Variants in RFX3 observed in about 807,000 individuals in gnomAD.
RFX3 encodes the protein regulatory factor X3.
In RFX3, 14 loss-of-function variants were observed where a neutral mutation model predicts 98.6. The observed-to-expected ratio is 0.14, with a 90% CI of 0.09 to 0.22. The LOEUF (loss-of-function observed/expected upper bound fraction) is 0.22, where lower values mean the gene tolerates loss of function less well. Among genes scored for constraint, RFX3 ranks in the 10% least tolerant of loss-of-function variants. The probability of loss-of-function intolerance (pLI) is 1.00; values close to 1 mark genes in which losing one functional copy is unlikely to be tolerated. For missense variants in RFX3, 639 were observed against 926.9 expected, an observed-to-expected ratio of 0.69 and a Z score of 4.03; for synonymous variants, 383 against 328.4, an observed-to-expected ratio of 1.17 and a Z score of -1.80.
rs558573296 is a variant in RFX3, at chr9:3,491,426, T to C, written c.-9+34321A>G. Reference sequence around the variant, plus strand: ...TCTGACATGAGGCCTTATATGTTATTAACTAAACGACTACACAATACTTCT... The same window carrying C: ...TCTGACATGAGGCCTTATATGTTATCAACTAAACGACTACACAATACTTCT... On this transcript the variant is annotated intron_variant, in intron 1 of 16. Transcript: ENST00000617270. Among the ~76,000 whole-genome samples, 6 of 152,322 alleles carry C rather than the reference T, an allele frequency of 3.9e-5. No individual in the cohort carries two copies. The South Asian group carries it at 1.0e-3, about 26-fold the overall frequency.
At chr9:3,247,382 T>A (rs1820820130) in intron 15 of RFX3, 2 of 954,828 alleles carry the variant, frequency 2.1e-6, no homozygotes, top group African/African-American at 3.5e-5. Flanking sequence ...CAGACTGTGT[T>A]TGAAAAAAAA....
At chr9:3,336,649 T>C (rs1325987219) in intron 3 of RFX3, among the ~76,000 whole-genome samples, 3 of 152,262 alleles carry the variant, frequency 2.0e-5, no homozygotes, top group African/African-American at 7.2e-5. Flanking sequence ...CTGAAGTATT[T>C]TAGATATAAC....
At chr9:3,329,571 T>G (rs1231822327) in intron 4 of RFX3, among the ~76,000 whole-genome samples, 1 of 152,146 alleles carries the variant, frequency 6.6e-6, no homozygotes, top group East Asian at 1.9e-4. Context: ...CCTATAGTAA[T>G]GCTTTCTAAA....
intron 2 of RFX3, among the ~76,000 whole-genome samples, chr9:3,389,253 T>G (rs1840036814): frequency 6.6e-6 from 1 of 152,084 alleles, no homozygotes; most frequent in Non-Finnish European, 1.5e-5. Context: ...GACGACCTCC[T>G]AGGTTGAGGC....
At chr9:3,518,386 G>T (rs1006717874) in intron 1 of RFX3, among the ~76,000 whole-genome samples, 4 of 152,110 alleles carry the variant, frequency 2.6e-5, no homozygotes, top group Non-Finnish European at 2.9e-5. Context: ...ATATGTTGGG[G>T]CTAATTATCT....
chr9:3,262,814 T>G (rs778724583), intron 13 of RFX3, 121 bp downstream of exon 13: 203 of 1,029,896 alleles, frequency 2.0e-4, no homozygotes, highest in Non-Finnish European at 5.8e-5. Context: ...TTCAGAACAC[T>G]GTGAATATAG....
intron 15 of RFX3, among the ~76,000 whole-genome samples, chr9:3,240,655 T>C (rs958106094): frequency 6.6e-6 from 1 of 152,202 alleles, no homozygotes; most frequent in Non-Finnish European, 1.5e-5. Flanking sequence ...TATGGTAGTA[T>C]ATTTTATACA....
intron 1 of RFX3, among the ~76,000 whole-genome samples, chr9:3,522,273 C>A (rs1818795303): frequency 6.6e-6 from 1 of 152,122 alleles, no homozygotes; most frequent in Admixed American, 6.5e-5. Context: ...CACTATGTAT[C>A]TGTGAATAGA....
At chr9:3,446,573 T>C (rs1008797657) in intron 1 of RFX3, among the ~76,000 whole-genome samples, 1 of 151,892 alleles carries the variant, frequency 6.6e-6, no homozygotes, top group African/African-American at 2.4e-5. Context: ...CCTTGTTTAG[T>C]GCACTCCTTC....
chr9:3,413,338 C>G (rs1021881986), intron 1 of RFX3, among the ~76,000 whole-genome samples: 2 of 152,016 alleles, frequency 1.3e-5, no homozygotes, highest in Non-Finnish European at 2.9e-5. Context: ...ATAAACAATT[C>G]ATAATTTAGG....
intron 1 of RFX3, among the ~76,000 whole-genome samples, chr9:3,409,392 T>C (rs913549927): frequency 1.3e-5 from 2 of 152,346 alleles, no homozygotes; most frequent in East Asian, 1.9e-4. Flanking sequence ...AATGATAAAA[T>C]TGGCATTCAG....
In RFX3 at chr9:3,525,947, AGAGAGAGAGCGAGAGG is replaced by A; in HGVS notation, c.-225_-210del. On this transcript the variant is annotated 5_prime_UTR_variant, in exon 1 of 17. Transcript: ENST00000617270. ...ACAAAAGAGAGAGAGAGAGGGAGAG[AGAGAGAGAGCGAGAGG>A]GAGAGGGAGACACTCGCACGGGGAG... is the stretch of plus-strand genomic sequence containing the variant. 1.2e-6 allele frequency: 1 copy of A among 814,966 alleles called. No homozygotes were observed. Among genetic ancestry groups the A allele is most frequent in the Non-Finnish European group, 1.5e-6 (1 of 683,036 alleles). The allele number at this position is 814,966 out of a possible 1,614,324, so 50.5% of individuals were successfully genotyped here.
chr9:3,479,421 T>G (rs1200192854), intron 1 of RFX3, among the ~76,000 whole-genome samples: 1 of 152,102 alleles, frequency 6.6e-6, no homozygotes, highest in African/African-American at 2.4e-5. Context: ...TTTTTAAAAA[T>G]ATACTTAAAA....
intron 1 of RFX3, among the ~76,000 whole-genome samples, chr9:3,420,573 T>C (rs1472911054): frequency 6.6e-6 from 1 of 152,228 alleles, no homozygotes; most frequent in Non-Finnish European, 1.5e-5. Context: ...AAGGTCATTT[T>C]AAGTAAGCAG....
intron 2 of RFX3, among the ~76,000 whole-genome samples, chr9:3,372,508 C>CAT (rs1332357601): frequency 6.6e-6 from 1 of 151,958 alleles, no homozygotes; most frequent in Non-Finnish European, 1.5e-5. Context: ...ATGCCATCTC[C>CAT]ATGTAGCACC....
intron 3 of RFX3, chr9:3,344,707 G>A: frequency 1.7e-6 from 1 of 603,528 alleles, no homozygotes; most frequent in Non-Finnish European, 3.0e-6. Flanking sequence ...CACAGACAAA[G>A]ATGAAATGAC....
chr9:3,269,274 CT>C (rs1824062839), intron 11 of RFX3, among the ~76,000 whole-genome samples: 1 of 151,870 alleles, frequency 6.6e-6, no homozygotes, highest in Non-Finnish European at 1.5e-5. Flanking sequence ...TATTAAAGAT[CT>C]CATACCTTCT....
At chr9:3,502,824 A>T (rs983281537) in intron 1 of RFX3, among the ~76,000 whole-genome samples, 1 of 152,162 alleles carries the variant, frequency 6.6e-6, no homozygotes, top group Non-Finnish European at 1.5e-5. Context: ...AAAGGTAAAA[A>T]GCAATGGGAA....
chr9:3,304,390 T>C (rs576356856), intron 4 of RFX3, among the ~76,000 whole-genome samples: 1 of 152,002 alleles, frequency 6.6e-6, no homozygotes, highest in Non-Finnish European at 1.5e-5. Context: ...AAGATCATGA[T>C]TACAAAAATT....
Sources: gnomAD v4.1 joint callset for allele counts (sites outside exome capture counted in the v4.1 genomes callset) on GRCh38, gnomAD v4.1.1 for gene constraint, MANE v1.5 for transcripts, NCBI Gene and HGNC (gene_info 2026-07-23, HGNC 2026-07-21) for gene names.